ALOX5AP: variants seen among roughly 807,000 people sequenced by gnomAD.
ALOX5AP encodes arachidonate 5-lipoxygenase activating protein.
ALOX5AP carries 9 observed loss-of-function variants against 18.5 expected under a neutral mutation model. The observed-to-expected ratio is 0.49, with a 90% confidence interval of 0.29 to 0.85. ALOX5AP has a LOEUF of 0.85. Among genes scored for constraint, ALOX5AP ranks in the 40% least tolerant of loss-of-function variants. The pLI, the probability that ALOX5AP is intolerant of heterozygous loss-of-function variation, is 0.08. For synonymous variants in ALOX5AP, 81 were observed against 78.6 expected (o/e 1.03, Z -0.16); for missense variants, 172 against 202.5 (o/e 0.85, Z 0.91).
intron 3 of ALOX5AP, among the ~76,000 whole-genome samples, chr13:30,755,575 G>A (rs752593182): frequency 1.3e-5 from 2 of 152,132 alleles, no homozygotes; most frequent in African/African-American, 4.8e-5. Context: ...GAGTTGTCTT[G>A]GGCCACACAT....
chr13:30,731,840 G>C (rs1255830464), upstream of ALOX5AP, among the ~76,000 whole-genome samples: 1 of 152,244 alleles, frequency 6.6e-6, no homozygotes, highest in Admixed American at 6.5e-5. Flanking sequence ...CCGGATTCTG[G>C]GCTGCTCTGG....
At chr13:30,757,556 G>T (rs897440001) in intron 4 of ALOX5AP, among the ~76,000 whole-genome samples, 53 of 152,224 alleles carry the variant, frequency 3.5e-4, no homozygotes, top group African/African-American at 1.2e-3. Context: ...AAGAGTGGGG[G>T]TGGAATGTCT....
chr13:30,740,268 C>A (rs907535465), intron 1 of ALOX5AP, among the ~76,000 whole-genome samples: 1 of 152,220 alleles, frequency 6.6e-6, no homozygotes, highest in Non-Finnish European at 1.5e-5. Flanking sequence ...ACTAAAATCT[C>A]AAGATCTCTT....
intron 1 of ALOX5AP, among the ~76,000 whole-genome samples, chr13:30,723,525 C>T (rs1330716246): frequency 6.6e-6 from 1 of 152,152 alleles, no homozygotes; most frequent in Non-Finnish European, 1.5e-5. Context: ...TGACTTGGCT[C>T]TAAAGGAAGC....
intron 2 of ALOX5AP, among the ~76,000 whole-genome samples, chr13:30,745,025 A>G (rs1435083415): frequency 6.6e-6 from 1 of 152,184 alleles, no homozygotes; most frequent in Admixed American, 6.5e-5. Flanking sequence ...GAATGCCAAG[A>G]ATGGTGCAAA....
chr13:30,723,014 T>C (rs1951606517), intron 1 of ALOX5AP, among the ~76,000 whole-genome samples: 1 of 152,228 alleles, frequency 6.6e-6, no homozygotes, highest in Non-Finnish European at 1.5e-5. Flanking sequence ...TCTTTATAAT[T>C]ATCCAGTCTC....
intron 1 of ALOX5AP, among the ~76,000 whole-genome samples, chr13:30,741,400 T>A (rs1269103681): frequency 6.7e-6 from 1 of 149,954 alleles, no homozygotes; most frequent in South Asian, 2.1e-4. Flanking sequence ...TCTTTTTTTT[T>A]TTTTTTTCTT....
Position 30,763,988 on chromosome 13 carries a change from T to G in ALOX5AP, c.368T>G (p.Phe123Cys). 6 of 1,614,172 alleles carry G rather than the reference T, an allele frequency of 3.7e-6. No homozygotes were observed. The highest frequency in any genetic ancestry group is 5.1e-6 in the Non-Finnish European group (6 of 1,180,018). The change falls in exon 5 of 5, where the codon TTC (phenylalanine) becomes TGC (cysteine). Residue 123 changes from phenylalanine (F) to cysteine (C), a missense_variant. Phe to Cys is a radical substitution (Grantham distance 205). Transcript: ENST00000380490. ...IFGKRIILFL[F>C]LMSVAGIFNY... ...GGGAAACGCATCATACTCTTCCTGTTCCTCATGTCCGTTGCTGGCATATTC... is the reference window on the plus strand; with the variant it reads ...GGGAAACGCATCATACTCTTCCTGTGCCTCATGTCCGTTGCTGGCATATTC...
At chr13:30,736,337 C>T (rs1458999016) in intron 1 of ALOX5AP, among the ~76,000 whole-genome samples, 29 of 151,730 alleles carry the variant, frequency 1.9e-4, no homozygotes, top group Admixed American at 1.9e-3. Context: ...TCCATTATTC[C>T]TGCTATTAGT....
intron 1 of ALOX5AP, among the ~76,000 whole-genome samples, chr13:30,720,166 G>T (rs1006180879): frequency 6.6e-6 from 1 of 152,106 alleles, no homozygotes; most frequent in Non-Finnish European, 1.5e-5. Flanking sequence ...GGCCTCTAGA[G>T]GATAATTTTT....
intron 1 of ALOX5AP, among the ~76,000 whole-genome samples, chr13:30,723,988 T>C (rs920626029): frequency 6.6e-6 from 1 of 152,174 alleles, no homozygotes; most frequent in Non-Finnish European, 1.5e-5. Context: ...GTGTACAGAT[T>C]GACAAGTTCT....
intron 2 of ALOX5AP, among the ~76,000 whole-genome samples, chr13:30,745,370 TG>T (rs1951801238): frequency 6.6e-6 from 1 of 152,194 alleles, no homozygotes; most frequent in Non-Finnish European, 1.5e-5. Context: ...AGTCACAGGT[TG>T]ATTGCCTGGC....
At chr13:30,742,447 C>T (rs1951774494) in intron 1 of ALOX5AP, 1 of 152,288 alleles carries the variant, frequency 6.6e-6, no homozygotes, top group Non-Finnish European at 1.5e-5. Context: ...TCCCCAGCAG[C>T]AGGTTGACTC....
chr13:30,736,575 C>G (rs1238756695), intron 1 of ALOX5AP, among the ~76,000 whole-genome samples: 1 of 152,208 alleles, frequency 6.6e-6, no homozygotes, highest in Non-Finnish European at 1.5e-5. Flanking sequence ...GACATGCTGT[C>G]ACGTTTTTGG....
intron 3 of ALOX5AP, among the ~76,000 whole-genome samples, chr13:30,752,690 C>G (rs1593442435): frequency 6.6e-6 from 1 of 152,208 alleles, no homozygotes; most frequent in Non-Finnish European, 1.5e-5. Context: ...CGGGGCCACG[C>G]CTGGCACTGT....
At chr13:30,729,448 G>A (rs1951663828) in intron 1 of ALOX5AP, among the ~76,000 whole-genome samples, 1 of 152,122 alleles carries the variant, frequency 6.6e-6, no homozygotes, top group East Asian at 1.9e-4. Context: ...TGGGCATCAT[G>A]AATTTTAATC....
At chr13:30,746,177 G>A (rs1951807641) in intron 2 of ALOX5AP, among the ~76,000 whole-genome samples, 1 of 152,252 alleles carries the variant, frequency 6.6e-6, no homozygotes, top group Non-Finnish European at 1.5e-5. Flanking sequence ...TGTCACTTGG[G>A]AAGGTCGTTT....
At chr13:30,757,642 G>A (rs776431595) in intron 4 of ALOX5AP, among the ~76,000 whole-genome samples, 25 of 152,010 alleles carry the variant, frequency 1.6e-4, no homozygotes, top group Non-Finnish European at 3.2e-4. Context: ...AAAGTCCCAG[G>A]GATGTGGCTC....
At chr13:30,736,137 G>A (rs1294232631) in intron 1 of ALOX5AP, among the ~76,000 whole-genome samples, 5 of 151,998 alleles carry the variant, frequency 3.3e-5, no homozygotes, top group Admixed American at 6.5e-5. Context: ...TGGGAGGTGC[G>A]TAGAAAAAAT....
Sources: allele counts gnomAD v4.1 joint callset (sites outside exome capture counted in the v4.1 genomes callset), GRCh38; gene constraint gnomAD v4.1.1; transcripts MANE v1.5; gene names NCBI Gene and HGNC (gene_info 2026-07-23, HGNC 2026-07-21).